Variants in MREG observed in about 807,000 individuals in gnomAD.
MREG encodes the protein melanoregulin, also known as dilute suppressor protein homolog.
MREG carries 31 observed loss-of-function variants against 28.5 expected under a neutral mutation model. The ratio of observed to expected loss-of-function variants is 1.09; its 90% CI spans 0.82 to 1.47. The LOEUF (loss-of-function observed/expected upper bound fraction) is 1.47. MREG is among the 40% of genes most tolerant of loss of function. The probability of loss-of-function intolerance (pLI) is 0.00; values close to 1 mark genes in which losing one functional copy is unlikely to be tolerated. For synonymous variants in MREG, 106 were observed against 95.2 expected (o/e 1.11, Z -0.66); for missense variants, 256 against 257.4 (o/e 0.99, Z 0.04).
At chr2:215,969,931 T>A (rs2105988782) in intron 2 of MREG, among the ~76,000 whole-genome samples, 1 of 152,320 alleles carries the variant, frequency 6.6e-6, no homozygotes, top group Non-Finnish European at 1.5e-5. Flanking sequence ...TGTTTTCTAC[T>A]CATTTAGTTA....
chr2:215,997,520 A>C (rs1488118944), intron 1 of MREG, among the ~76,000 whole-genome samples: 1 of 152,224 alleles, frequency 6.6e-6, no homozygotes, highest in African/African-American at 2.4e-5. Flanking sequence ...ACTACATGCT[A>C]ATCACAGGGC....
At chr2:216,004,234 C>T (rs1694093917) in intron 1 of MREG, among the ~76,000 whole-genome samples, 1 of 152,178 alleles carries the variant, frequency 6.6e-6, no homozygotes, top group Non-Finnish European at 1.5e-5. Context: ...CAAGGCCTGC[C>T]CTGACCAACC....
At chr2:216,006,176 C>G (rs796068215) in intron 1 of MREG, among the ~76,000 whole-genome samples, 4 of 152,340 alleles carry the variant, frequency 2.6e-5, no homozygotes, top group African/African-American at 7.2e-5. Context: ...GAAATTTCAT[C>G]TTCTCGGGAA....
chr2:215,981,175 A>C (rs1487590107), intron 2 of MREG, among the ~76,000 whole-genome samples: 1 of 152,220 alleles, frequency 6.6e-6, no homozygotes, highest in Non-Finnish European at 1.5e-5. Flanking sequence ...AAAGAACTGA[A>C]AACAGGGACT....
At chr2:216,022,741 A>C (rs1694543782) in intron 1 of MREG, among the ~76,000 whole-genome samples, 1 of 152,180 alleles carries the variant, frequency 6.6e-6, no homozygotes, top group South Asian at 2.1e-4. Flanking sequence ...ACCTAACCAA[A>C]ATTAAACATA....
chr2:216,007,799 C>T (rs1031131632), intron 1 of MREG, among the ~76,000 whole-genome samples: 2 of 151,654 alleles, frequency 1.3e-5, no homozygotes, highest in African/African-American at 4.8e-5. Flanking sequence ...GAATATCTCC[C>T]AAAGTGTAGT....
chr2:215,954,491 C>T (rs1166148522), intron 2 of MREG, among the ~76,000 whole-genome samples: 3 of 143,692 alleles, frequency 2.1e-5, no homozygotes, highest in Non-Finnish European at 4.6e-5. Flanking sequence ...CACAAAACAA[C>T]CAGAAGAGTA....
chr2:216,014,833 C>G (rs1037465213), upstream of MREG, among the ~76,000 whole-genome samples: 2 of 152,162 alleles, frequency 1.3e-5, no homozygotes, highest in Non-Finnish European at 2.9e-5. Flanking sequence ...TCCCTATACC[C>G]TCGCCAAATG....
chr2:216,022,046 T>G (rs1694528068), intron 1 of MREG, among the ~76,000 whole-genome samples: 1 of 152,176 alleles, frequency 6.6e-6, no homozygotes, highest in Admixed American at 6.5e-5. Flanking sequence ...AAGGCCAGCC[T>G]GGCCAACATG....
At chr2:216,026,896 T>C (rs13034681) in intron 1 of MREG, among the ~76,000 whole-genome samples, 22,820 of 152,220 alleles carry the variant, frequency 0.15, 2,169 homozygotes, top group Admixed American at 0.21. Context: ...TAAAACTATC[T>C]GTACTTAAAA....
At chr2:216,017,696 T>C (rs1354491220), upstream of MREG, among the ~76,000 whole-genome samples, 1 of 152,220 alleles carries the variant, frequency 6.6e-6, no homozygotes, top group Non-Finnish European at 1.5e-5. Context: ...GCAGACCTGC[T>C]GGCTCCTATT....
intron 2 of MREG, among the ~76,000 whole-genome samples, chr2:215,954,386 T>G (rs1692563523): frequency 6.6e-6 from 1 of 150,972 alleles, no homozygotes; most frequent in Non-Finnish European, 1.5e-5. Flanking sequence ...AAAACCATCT[T>G]CAGAGGAAGA....
downstream of MREG, among the ~76,000 whole-genome samples, chr2:215,940,605 T>C (rs1692186205): frequency 6.6e-6 from 1 of 152,188 alleles, no homozygotes; most frequent in Non-Finnish European, 1.5e-5. Context: ...AACCATCACA[T>C]TGGAAAATAT....
At chr2:216,000,679 C>A (rs1306239832) in intron 1 of MREG, among the ~76,000 whole-genome samples, 1 of 152,184 alleles carries the variant, frequency 6.6e-6, no homozygotes, top group African/African-American at 2.4e-5. Flanking sequence ...CCCCACATCA[C>A]CTAGCAGGGT....
At chr2:216,018,748 G>A (rs1340820770) in intron 1 of MREG, among the ~76,000 whole-genome samples, 1 of 152,184 alleles carries the variant, frequency 6.6e-6, no homozygotes, top group East Asian at 1.9e-4. Context: ...TCCTTATAGA[G>A]TCTGTTGTTT....
chr2:215,983,603 T>C (rs1693486791), intron 2 of MREG, among the ~76,000 whole-genome samples: 1 of 152,246 alleles, frequency 6.6e-6, no homozygotes, highest in South Asian at 2.1e-4. Flanking sequence ...GGATCATTTA[T>C]GTGTCTGCCT....
intron 2 of MREG, among the ~76,000 whole-genome samples, chr2:215,951,141 T>A (rs889193206): frequency 1.3e-5 from 2 of 152,090 alleles, no homozygotes; most frequent in African/African-American, 2.4e-5. Flanking sequence ...GAACTGTGAG[T>A]CAATTAAACC....
chr2:215,990,434 C>T (rs1693692484), intron 2 of MREG, among the ~76,000 whole-genome samples: 2 of 152,130 alleles, frequency 1.3e-5, no homozygotes, highest in Admixed American at 6.6e-5. Context: ...CCAGCCACTG[C>T]AAAAACATAC....
At chr2:215,986,427 T>A (rs768907598) in intron 2 of MREG, among the ~76,000 whole-genome samples, 3 of 152,058 alleles carry the variant, frequency 2.0e-5, no homozygotes, top group Non-Finnish European at 4.4e-5. Context: ...ATATGTGGGG[T>A]GAAGGGCAGG....
Sources: gnomAD v4.1 joint callset for allele counts (sites outside exome capture counted in the v4.1 genomes callset) on GRCh38, gnomAD v4.1.1 for gene constraint, MANE v1.5 for transcripts, NCBI Gene and HGNC (gene_info 2026-07-23, HGNC 2026-07-21) for gene names.